RAPGEF5: variants seen among roughly 807,000 people sequenced by gnomAD.
RAPGEF5 encodes the protein Rap guanine nucleotide exchange factor 5, also known as M-Ras-regulated GEF.
RAPGEF5 carries 65 observed loss-of-function variants against 125.2 expected under a neutral mutation model. The observed-to-expected ratio is 0.52, with a 90% CI of 0.43 to 0.64. The LOEUF (loss-of-function observed/expected upper bound fraction) is 0.64. RAPGEF5 is among the 30% of genes least tolerant of loss of function. The pLI, the probability that RAPGEF5 is intolerant of heterozygous loss-of-function variation, is 0.00. For synonymous variants in RAPGEF5, 391 were observed against 385.9 expected (o/e 1.01, Z -0.16); for missense variants, 958 against 1,048.1 (o/e 0.91, Z 1.19).
chr7:22,122,752 C>A (rs987949357), intron 25 of RAPGEF5, among the ~76,000 whole-genome samples: 1 of 152,184 alleles, frequency 6.6e-6, no homozygotes, highest in African/African-American at 2.4e-5. Context: ...TATTACCTAA[C>A]ATTGTATATT....
At chr7:22,127,676 G>A (rs1410465969) in intron 24 of RAPGEF5, among the ~76,000 whole-genome samples, 3 of 152,054 alleles carry the variant, frequency 2.0e-5, no homozygotes, top group East Asian at 1.9e-4. Context: ...ATTCATATCT[G>A]GGCCTCCAAT....
intron 3 of RAPGEF5, among the ~76,000 whole-genome samples, chr7:22,311,431 G>T (rs1471016331): frequency 6.6e-6 from 1 of 152,048 alleles, no homozygotes; most frequent in African/African-American, 2.4e-5. Flanking sequence ...TGCCTATTTT[G>T]CTGTCTCTTG....
At chr7:22,321,931 C>A (rs1379097581) in intron 1 of RAPGEF5, among the ~76,000 whole-genome samples, 2 of 152,110 alleles carry the variant, frequency 1.3e-5, no homozygotes, top group African/African-American at 4.8e-5. Context: ...ACATCTCAAC[C>A]AAAGCTTGGT....
chr7:22,345,719 T>A (rs923800522), intron 1 of RAPGEF5, among the ~76,000 whole-genome samples: 5 of 135,066 alleles, frequency 3.7e-5, no homozygotes, highest in African/African-American at 1.1e-4. Flanking sequence ...TTTTTTTTTT[T>A]AGAGAGTTAT....
intron 1 of RAPGEF5, among the ~76,000 whole-genome samples, chr7:22,353,595 C>T (rs188379526): frequency 6.6e-6 from 1 of 152,176 alleles, no homozygotes; most frequent in Admixed American, 6.5e-5. Flanking sequence ...TTCATTATAC[C>T]ATTCTCTCAT....
In RAPGEF5 at chr7:22,340,921, C is replaced by A. The variant is rs186266867; in HGVS notation, c.231+15909G>T. Among the ~76,000 whole-genome samples the A allele has an allele frequency of 4.8e-4, 73 of 152,314 alleles. 1 individual carries two copies. In the East Asian group the frequency reaches 0.011, roughly 23 times the overall value. On this transcript the variant is annotated intron_variant, in intron 1 of 25. Transcript: ENST00000665637. ...TGACCAGAAAGAAGAGAAAATGGAGCAAAACCAAAGGGTTCATACACTTGA... is the reference window on the plus strand; with the variant it reads ...TGACCAGAAAGAAGAGAAAATGGAGAAAAACCAAAGGGTTCATACACTTGA...
intron 7 of RAPGEF5, among the ~76,000 whole-genome samples, chr7:22,235,649 A>G (rs1786168391): frequency 6.6e-6 from 1 of 152,200 alleles, no homozygotes; most frequent in Non-Finnish European, 1.5e-5. Flanking sequence ...AAAACACCAT[A>G]GTGTTTCCAG....
chr7:22,190,765 C>T (rs796421142), intron 11 of RAPGEF5, among the ~76,000 whole-genome samples: 6 of 152,280 alleles, frequency 3.9e-5, no homozygotes, highest in African/African-American at 1.4e-4. Context: ...ACTCACATCT[C>T]TTGTTCAGTT....
chr7:22,220,166 G>A (rs1319621102), intron 8 of RAPGEF5, 175 bp from the exon 9 acceptor site: 6 of 753,414 alleles, frequency 8.0e-6, no homozygotes, highest in Non-Finnish European at 1.3e-5. Context: ...TAACCTAAGA[G>A]CACCATGCCA....
At chr7:22,175,507 C>T (rs920766006) in intron 11 of RAPGEF5, among the ~76,000 whole-genome samples, 14 of 152,108 alleles carry the variant, frequency 9.2e-5, no homozygotes, top group African/African-American at 3.1e-4. Flanking sequence ...TTTAACTGTA[C>T]AGATTAGAAT....
intron 7 of RAPGEF5, among the ~76,000 whole-genome samples, chr7:22,236,980 G>A (rs957405393): frequency 4.6e-5 from 7 of 152,206 alleles, no homozygotes; most frequent in Non-Finnish European, 8.8e-5. Context: ...AGGCCATTAG[G>A]TCTTGGACCC....
chr7:22,266,891 A>G, intron 7 of RAPGEF5, 73 bp downstream of exon 7: 1 of 1,435,252 alleles, frequency 7.0e-7, no homozygotes. Flanking sequence ...ACTCAACTGC[A>G]CACTACCAGA....
chr7:22,207,990 C>G (rs1785433392), intron 9 of RAPGEF5, among the ~76,000 whole-genome samples: 1 of 152,192 alleles, frequency 6.6e-6, no homozygotes, highest in Admixed American at 6.5e-5. Flanking sequence ...ACTCTTTCCT[C>G]CCATCTGGAA....
At chr7:22,151,469 T>C (rs528571582) in intron 17 of RAPGEF5, among the ~76,000 whole-genome samples, 18,347 of 148,064 alleles carry the variant, frequency 0.12, 1,121 homozygotes, top group South Asian at 0.16. Flanking sequence ...TTTTTTTTTT[T>C]TTTTTTTTTT....
At chr7:22,201,624 C>T (rs939711159) in intron 9 of RAPGEF5, among the ~76,000 whole-genome samples, 3 of 152,230 alleles carry the variant, frequency 2.0e-5, no homozygotes, top group Non-Finnish European at 4.4e-5. Context: ...GCTTTATGGT[C>T]TTAACAGTCT....
At chr7:22,353,350 T>C (rs1784363281) in intron 1 of RAPGEF5, among the ~76,000 whole-genome samples, 1 of 152,156 alleles carries the variant, frequency 6.6e-6, no homozygotes, top group East Asian at 1.9e-4. Context: ...TTTGAGAAAA[T>C]TTGAATATGG....
intron 11 of RAPGEF5, among the ~76,000 whole-genome samples, chr7:22,175,890 C>A (rs1490301893): frequency 1.3e-5 from 2 of 152,128 alleles, no homozygotes; most frequent in Non-Finnish European, 2.9e-5. Context: ...TTTTCAAAAC[C>A]TGAAATACAT....
At chr7:22,123,872 T>G (rs1346298962) in intron 25 of RAPGEF5, among the ~76,000 whole-genome samples, 1 of 152,270 alleles carries the variant, frequency 6.6e-6, no homozygotes, top group East Asian at 1.9e-4. Context: ...GTTCTAACCA[T>G]GGCAACTGAC....
rs538197082 is a variant in RAPGEF5, at chr7:22,184,733, C to T, written c.1204+8634G>A. Among the ~76,000 whole-genome samples, 5 of 152,304 alleles carry T rather than the reference C, an allele frequency of 3.3e-5. No individual in the cohort carries two copies. In the South Asian group the frequency reaches 8.3e-4, roughly 25 times the overall value. On this transcript the variant is annotated intron_variant, in intron 11 of 25. Coordinates refer to ENST00000665637, the MANE Select transcript of RAPGEF5 (RefSeq NM_012294.5). ...CATTAACAACAAGGGTATTAATTAACCCACAATCTACTGGCAGTGTAAAAG... is the reference window on the plus strand; with the variant it reads ...CATTAACAACAAGGGTATTAATTAATCCACAATCTACTGGCAGTGTAAAAG...
Sources: allele counts gnomAD v4.1 joint callset (sites outside exome capture counted in the v4.1 genomes callset), GRCh38; gene constraint gnomAD v4.1.1; transcripts MANE v1.5; gene names NCBI Gene and HGNC (gene_info 2026-07-23, HGNC 2026-07-21).